XKR9: variants seen among roughly 807,000 people sequenced by gnomAD.
XKR9 encodes the protein XK-related protein 9.
A neutral mutation model predicts 32.0 loss-of-function variants in XKR9; 32 were observed. The ratio of observed to expected loss-of-function variants is 1.00; its 90% CI spans 0.76 to 1.34. The LOEUF is 1.34. Ranked by LOEUF, XKR9 falls within the 40% of genes most tolerant of loss-of-function variation. The pLI, the probability that XKR9 is intolerant of heterozygous loss-of-function variation, is 0.00. For missense variants in XKR9, 546 were observed against 429.7 expected (o/e 1.27, Z -2.39); for synonymous variants, 168 against 143.4 (o/e 1.17, Z -1.22).
chr8:70,810,420 T>A, the XKR9 span, among the ~76,000 whole-genome samples: 2 of 151,972 alleles, frequency 1.3e-5, no homozygotes, highest in Admixed American at 1.3e-4. Flanking sequence ...ATAATGACAG[T>A]ACCAAATACA....
the XKR9 span, among the ~76,000 whole-genome samples, chr8:71,001,145 G>A: frequency 2.0e-5 from 3 of 152,190 alleles, no homozygotes; most frequent in Non-Finnish European, 4.4e-5. Flanking sequence ...ACAGTTTGTG[G>A]ATTAGCAGCT....
the XKR9 span, among the ~76,000 whole-genome samples, chr8:70,820,638 A>C: frequency 6.6e-6 from 1 of 152,154 alleles, no homozygotes; most frequent in African/African-American, 2.4e-5. Flanking sequence ...ATGGCTGGGG[A>C]GGCCTTAGGA....
chr8:70,805,440 C>G, the XKR9 span, among the ~76,000 whole-genome samples: 8 of 152,186 alleles, frequency 5.3e-5, no homozygotes, highest in African/African-American at 1.9e-4. Context: ...GCTGTCTAAG[C>G]CATTTGAGCT....
chr8:70,720,098 T>C (rs894353261), intron 4 of XKR9, among the ~76,000 whole-genome samples: 1 of 152,160 alleles, frequency 6.6e-6, no homozygotes, highest in African/African-American at 2.4e-5. Context: ...GGGCTCTCTG[T>C]TTGTCTATTA....
the XKR9 span, among the ~76,000 whole-genome samples, chr8:71,013,497 A>G: frequency 5.3e-5 from 8 of 152,302 alleles, no homozygotes; most frequent in East Asian, 7.7e-4. Flanking sequence ...GGCAGAAGTG[A>G]ACCTTCAGAG....
At position 70,787,362 on chromosome 8, in the gene XKR9, C is replaced by A. The variant is rs374836668; in HGVS notation, n.353-1977C>A. Among the ~76,000 whole-genome samples, 52 of 152,196 alleles carry A rather than the reference C, an allele frequency of 3.4e-4. 1 individual carries two copies. The highest frequency in any genetic ancestry group is 2.3e-3 in the East Asian group (12 of 5,188). ...TGGAACAGTTGTTTTTCTCAAAAGA[C>A]CACCCTAGTGGGTGACTCAGTTAAG... On this transcript the variant is annotated intron_variant and non_coding_transcript_variant, in intron 2 of 3. Transcript: ENST00000520273.
the XKR9 span, among the ~76,000 whole-genome samples, chr8:71,029,143 G>C: frequency 6.6e-6 from 1 of 151,860 alleles, no homozygotes. Flanking sequence ...CTTGAGATGT[G>C]GTCTTATGTT....
chr8:70,673,764 CAA>C (rs372111324), intron 1 of XKR9, among the ~76,000 whole-genome samples: 2 of 130,778 alleles, frequency 1.5e-5, no homozygotes, highest in Admixed American at 7.6e-5. Context: ...GACTCCATGT[CAA>C]AAAAAAAAAA....
chr8:70,901,213 A>G, the XKR9 span, among the ~76,000 whole-genome samples: 2 of 152,242 alleles, frequency 1.3e-5, no homozygotes, highest in East Asian at 1.9e-4. Context: ...TTCTAGTTCT[A>G]GATCCCTGAG....
chr8:70,683,533 G>A (rs1383704501), intron 3 of XKR9: 2 of 449,050 alleles, frequency 4.5e-6, no homozygotes, highest in South Asian at 1.6e-5. Flanking sequence ...TGTCACCCAG[G>A]CTGGCCTGCA....
intron 2 of XKR9, among the ~76,000 whole-genome samples, chr8:70,766,004 A>T (rs534960713): frequency 5.3e-5 from 8 of 151,978 alleles, no homozygotes; most frequent in African/African-American, 1.9e-4. Context: ...TTTGGTTACT[A>T]TAGCCTTGTA....
chr8:70,913,679 T>C, the XKR9 span, among the ~76,000 whole-genome samples: 1 of 152,134 alleles, frequency 6.6e-6, no homozygotes, highest in Non-Finnish European at 1.5e-5. Flanking sequence ...TGTCACAAAG[T>C]GAGCTTAGGA....
chr8:71,022,468 G>T, the XKR9 span, among the ~76,000 whole-genome samples: 1 of 152,088 alleles, frequency 6.6e-6, no homozygotes, highest in Non-Finnish European at 1.5e-5. Context: ...GGCCTATAAG[G>T]TTTCTGCTGA....
chr8:70,711,525 C>G (rs904891287), intron 4 of XKR9, among the ~76,000 whole-genome samples: 1 of 152,156 alleles, frequency 6.6e-6, no homozygotes. Context: ...AATGCAGGAA[C>G]AGAAAACCAA....
the XKR9 span, among the ~76,000 whole-genome samples, chr8:70,990,707 G>A: frequency 6.6e-6 from 1 of 151,030 alleles, no homozygotes; most frequent in Admixed American, 6.6e-5. Flanking sequence ...CTCTGAGACT[G>A]ATAAATCAGG....
At chr8:70,727,836 T>A (rs1435795155) in intron 4 of XKR9, among the ~76,000 whole-genome samples, 1 of 151,836 alleles carries the variant, frequency 6.6e-6, no homozygotes, top group African/African-American at 2.4e-5. Flanking sequence ...GGGTGGGGGC[T>A]ACGAGATCAG....
the XKR9 span, among the ~76,000 whole-genome samples, chr8:70,805,381 A>G: frequency 6.6e-6 from 1 of 152,182 alleles, no homozygotes; most frequent in Non-Finnish European, 1.5e-5. Flanking sequence ...TGCTTAGCCT[A>G]CCGAGCTCCC....
chr8:70,699,344 T>G (rs1354473451), intron 3 of XKR9, among the ~76,000 whole-genome samples: 1 of 152,158 alleles, frequency 6.6e-6, no homozygotes, highest in Non-Finnish European at 1.5e-5. Context: ...CCATGTTTAG[T>G]GCTTCCTTTA....
chr8:70,850,531 A>G, the XKR9 span, among the ~76,000 whole-genome samples: 2 of 151,756 alleles, frequency 1.3e-5, no homozygotes, highest in African/African-American at 4.8e-5. Context: ...CGATGCAAAA[A>G]TCCTCAATGA....
Sources: allele counts gnomAD v4.1 joint callset (sites outside exome capture counted in the v4.1 genomes callset), GRCh38; gene constraint gnomAD v4.1.1; transcripts MANE v1.5; gene names NCBI Gene and HGNC (gene_info 2026-07-23, HGNC 2026-07-21).